Variants in SCG5 observed in about 807,000 individuals in gnomAD.
SCG5 encodes neuroendocrine protein 7B2.
SCG5 carries 18 observed loss-of-function variants against 25.7 expected under a neutral mutation model. The ratio of observed to expected loss-of-function variants is 0.70; its 90% CI spans 0.48 to 1.04. SCG5 has a LOEUF of 1.04. Among genes scored for constraint, SCG5 ranks in the 50% least tolerant of loss-of-function variants. The pLI, the probability that SCG5 is intolerant of heterozygous loss-of-function variation, is 0.00. For synonymous variants in SCG5, 101 were observed against 91.7 expected (o/e 1.10, Z -0.58); for missense variants, 206 against 259.8 (o/e 0.79, Z 1.42).
intron 2 of SCG5, among the ~76,000 whole-genome samples, chr15:32,653,095 A>C (rs955184590): frequency 2.0e-5 from 3 of 152,234 alleles, no homozygotes; most frequent in Non-Finnish European, 4.4e-5. Context: ...GCCTTATTGC[A>C]TGCACAAAAT....
chr15:32,666,830 G>A (rs1398255000), intron 2 of SCG5, among the ~76,000 whole-genome samples: 2 of 152,178 alleles, frequency 1.3e-5, no homozygotes, highest in Non-Finnish European at 2.9e-5. Flanking sequence ...AGGTGATGAG[G>A]CCAATATTCA....
At chr15:32,667,668 A>C (rs571406653) in intron 2 of SCG5, among the ~76,000 whole-genome samples, 1 of 120,362 alleles carries the variant, frequency 8.3e-6, no homozygotes, top group Non-Finnish European at 1.6e-5. Flanking sequence ...GGTTTGTTGT[A>C]GTTTTATTCT....
intron 4 of SCG5, among the ~76,000 whole-genome samples, chr15:32,688,666 A>T (rs2054770360): frequency 6.6e-6 from 1 of 152,202 alleles, no homozygotes; most frequent in Non-Finnish European, 1.5e-5. Context: ...AAATTCCCTT[A>T]GAAATTAATA....
At chr15:32,680,050 T>C in intron 3 of SCG5, 135 bp downstream of exon 3, 1 of 796,224 alleles carries the variant, frequency 1.3e-6, no homozygotes. Context: ...TGTAAGTAGA[T>C]GGGAAGGGGA....
At chr15:32,690,994 T>G (rs1261781851) in intron 4 of SCG5, among the ~76,000 whole-genome samples, 1 of 151,372 alleles carries the variant, frequency 6.6e-6, no homozygotes, top group Non-Finnish European at 1.5e-5. Context: ...TTTTATAATC[T>G]CAATAGAAGG....
At chr15:32,657,873 A>C (rs1157207018) in intron 2 of SCG5, among the ~76,000 whole-genome samples, 1 of 152,232 alleles carries the variant, frequency 6.6e-6, no homozygotes, top group East Asian at 1.9e-4. Flanking sequence ...TAGGATCTCC[A>C]TCAGGCACTA....
intron 4 of SCG5, 83 bp downstream of exon 4, chr15:32,684,752 A>C: frequency 1.3e-6 from 1 of 794,344 alleles, no homozygotes; most frequent in Non-Finnish European, 2.1e-6. Context: ...ATATGGGCAG[A>C]AGGAGAGAAG....
At chr15:32,665,902 T>A (rs888111327) in intron 2 of SCG5, 6 of 152,150 alleles carry the variant, frequency 3.9e-5, no homozygotes, top group Non-Finnish European at 7.4e-5. Flanking sequence ...ATTTCAAAAC[T>A]CTGAACAAAT....
chr15:32,659,555 C>T (rs143319100), intron 2 of SCG5, among the ~76,000 whole-genome samples: 1,693 of 152,290 alleles, frequency 0.011, 17 homozygotes, highest in Non-Finnish European at 0.019. Flanking sequence ...CACTACTGGT[C>T]AGTTCCCCCA....
intron 2 of SCG5, among the ~76,000 whole-genome samples, chr15:32,658,353 C>T (rs1014116480): frequency 6.6e-6 from 1 of 152,042 alleles, no homozygotes; most frequent in African/African-American, 2.4e-5. Flanking sequence ...GGGAATAAGG[C>T]ATTGGCCCCT....
At chr15:32,673,927 G>T (rs906861030) in intron 2 of SCG5, among the ~76,000 whole-genome samples, 15 of 151,982 alleles carry the variant, frequency 9.9e-5, no homozygotes, top group South Asian at 4.2e-4. Flanking sequence ...CACCATCTTG[G>T]CCAGGCTGGT....
chr15:32,648,762 T>G (rs2053987406), intron 2 of SCG5, among the ~76,000 whole-genome samples: 1 of 133,628 alleles, frequency 7.5e-6, no homozygotes. Flanking sequence ...CATTCTCTGT[T>G]GCAGTCTCCT....
At chr15:32,643,891 C>T in intron 2 of SCG5, 73 bp downstream of exon 2, 1 of 1,322,886 alleles carries the variant, frequency 7.6e-7, no homozygotes, top group Non-Finnish European at 1.1e-6. Flanking sequence ...CTTCTCACAA[C>T]AACCTTATAA....
intron 2 of SCG5, among the ~76,000 whole-genome samples, chr15:32,666,970 G>T (rs2054328912): frequency 6.6e-6 from 1 of 152,156 alleles, no homozygotes; most frequent in Non-Finnish European, 1.5e-5. Context: ...TGGCTGGCTG[G>T]AGTTGTGATG....
chr15:32,669,199 G>A (rs1467466294), intron 2 of SCG5: 1 of 152,168 alleles, frequency 6.6e-6, no homozygotes, highest in Non-Finnish European at 1.5e-5. Flanking sequence ...ATGATACATA[G>A]GACCTGCTAT....
At chr15:32,660,202 T>C (rs2054194162) in intron 2 of SCG5, among the ~76,000 whole-genome samples, 1 of 152,234 alleles carries the variant, frequency 6.6e-6, no homozygotes, top group Non-Finnish European at 1.5e-5. Flanking sequence ...GTCAGAGTTT[T>C]GGTGCCTAGG....
At chr15:32,649,828 T>TA (rs1449832904) in intron 2 of SCG5, among the ~76,000 whole-genome samples, 7 of 152,254 alleles carry the variant, frequency 4.6e-5, no homozygotes, top group Non-Finnish European at 8.8e-5. Context: ...GAACTCGGGT[T>TA]AACCCGTAGC....
chr15:32,692,361 CT>C (rs1372027561), intron 5 of SCG5: 1 of 821,858 alleles, frequency 1.2e-6, no homozygotes, highest in African/African-American at 1.9e-5. Flanking sequence ...CATCCCAGGG[CT>C]GCCCAAGGTA....
chr15:32,648,127 T>TA (rs1395895614), intron 2 of SCG5, among the ~76,000 whole-genome samples: 4 of 152,216 alleles, frequency 2.6e-5, no homozygotes, highest in Admixed American at 2.6e-4. Context: ...CTTTTCTGTC[T>TA]AAATGAGTAG....
Sources: allele counts gnomAD v4.1 joint callset (sites outside exome capture counted in the v4.1 genomes callset), GRCh38; gene constraint gnomAD v4.1.1; transcripts MANE v1.5; gene names NCBI Gene and HGNC (gene_info 2026-07-23, HGNC 2026-07-21).